TMEM114: variants seen among roughly 807,000 people sequenced by gnomAD.
TMEM114 encodes claudin-26.
TMEM114 carries 6 observed loss-of-function variants against 6.2 expected under a neutral mutation model. The observed-to-expected ratio is 0.97, with a 90% CI of 0.53 to 1.91. TMEM114 has a LOEUF of 1.91. TMEM114 is among the 40% of genes most tolerant of loss of function. The pLI is 0.01. For synonymous variants in TMEM114, 104 were observed against 73.0 expected (o/e 1.42, Z -2.16); for missense variants, 218 against 158.3 (o/e 1.38, Z -2.02).
rs1415442433 is a variant in TMEM114 at position 8,562,889 on chromosome 16, GGAATGAGT to G, written n.213-25071_213-25064del. Among the ~76,000 whole-genome samples, 71 of 143,816 alleles carry G rather than the reference GGAATGAGT, an allele frequency of 4.9e-4. 2 individuals carry two copies. The highest frequency in any genetic ancestry group is 9.8e-4 in the Non-Finnish European group (64 of 65,634). 94.3% of individuals were successfully genotyped at this position (143,816 alleles called of 152,430 possible). The stretch of plus-strand genomic sequence containing the variant: ...GTGAGTAAATGAGTGAGGGAGGGAG[GGAATGAGT>G]GAATGAGTGAGTGAATGAGTAAATG... On this transcript the variant is annotated intron_variant and non_coding_transcript_variant, in intron 2 of 2. Transcript: ENST00000623677.
intron 2 of TMEM114, among the ~76,000 whole-genome samples, chr16:8,550,076 CA>C (rs1330899276): frequency 6.6e-6 from 1 of 152,186 alleles, no homozygotes; most frequent in Non-Finnish European, 1.5e-5. Context: ...TCTGATGTTC[CA>C]GGGCAGGAAG....
intron 2 of TMEM114, among the ~76,000 whole-genome samples, chr16:8,538,294 TAA>T (rs368839895): frequency 7.2e-6 from 1 of 138,642 alleles, no homozygotes. Flanking sequence ...GTCTCAAAAA[TAA>T]AAAAAAAAAG....
chr16:8,559,129 T>TGA (rs1219042315), intron 2 of TMEM114, among the ~76,000 whole-genome samples: 1 of 151,746 alleles, frequency 6.6e-6, no homozygotes, highest in African/African-American at 2.4e-5. Flanking sequence ...TGCAACCTCT[T>TGA]CTTCCCAGGT....
At chr16:8,546,070 A>AC (rs1295800080) in intron 2 of TMEM114, among the ~76,000 whole-genome samples, 4 of 152,162 alleles carry the variant, frequency 2.6e-5, no homozygotes, top group Admixed American at 2.0e-4. Context: ...AGCTATGATC[A>AC]TGTCACTGCA....
intron 2 of TMEM114, among the ~76,000 whole-genome samples, chr16:8,558,351 C>A (rs1302083901): frequency 6.6e-6 from 1 of 152,208 alleles, no homozygotes; most frequent in Non-Finnish European, 1.5e-5. Flanking sequence ...ATTCCAGCTC[C>A]TGGTGGCTCC....
downstream of TMEM114, among the ~76,000 whole-genome samples, chr16:8,536,325 T>G (rs1900358653): frequency 6.6e-6 from 1 of 152,156 alleles, no homozygotes; most frequent in South Asian, 2.1e-4. Context: ...GGTACTTGCA[T>G]GTTTTGAAAG....
chr16:8,546,460 C>T (rs564260074), intron 2 of TMEM114, among the ~76,000 whole-genome samples: 3 of 152,156 alleles, frequency 2.0e-5, no homozygotes, highest in East Asian at 1.9e-4. Context: ...AAATCTGCAG[C>T]GACCAGCCCG....
the TMEM114 span, among the ~76,000 whole-genome samples, chr16:8,527,941 T>G: frequency 6.6e-6 from 1 of 152,218 alleles, no homozygotes; most frequent in African/African-American, 2.4e-5. Context: ...AAAGTCTCCC[T>G]GTGCTGCCCA....
chr16:8,553,469 T>G (rs371872889), intron 2 of TMEM114, among the ~76,000 whole-genome samples: 8 of 150,334 alleles, frequency 5.3e-5, no homozygotes, highest in Admixed American at 2.7e-4. Context: ...CTATCTAGGC[T>G]CACTGCAGTC....
downstream of TMEM114, among the ~76,000 whole-genome samples, chr16:8,568,327 G>A (rs534845517): frequency 6.6e-6 from 1 of 152,296 alleles, no homozygotes; most frequent in Non-Finnish European, 1.5e-5. Context: ...TTTGTTGAAT[G>A]ACTGACTGAC....
chr16:8,569,907 G>C lies in TMEM114; in HGVS notation c.538C>G (p.Gln180Glu), dbSNP rs908538099. Residue 180 changes from glutamine to glutamate, a missense_variant, in exon 4 of 4, where the codon CAG becomes GAG. Physicochemically the swap from Gln to Glu is conservative, Grantham distance 29 (BLOSUM62 2). Transcript: ENST00000620492. The stretch of plus-strand genomic sequence containing the variant: ...GACCAGCCGAAGCTGATGTCCACCT[G>C]GTCCAGGAGGGCCTTCTCCTCCAAG... Reference protein sequence around the residue: ...CLLEEKALLDQVDISFGWSLA... With the variant: ...CLLEEKALLDEVDISFGWSLA... 1.3e-6 allele frequency: 2 copies of C among 1,551,198 alleles called. No homozygotes were observed. The highest frequency in any genetic ancestry group is 2.7e-5 in the African/African-American group (2 of 73,152).
At chr16:8,587,458 T>A (rs1330693851) in intron 2 of TMEM114, among the ~76,000 whole-genome samples, 4 of 152,168 alleles carry the variant, frequency 2.6e-5, no homozygotes, top group Non-Finnish European at 5.9e-5. Context: ...AATTTGCACT[T>A]AGCAGTTAGC....
chr16:8,566,398 G>T (rs1305245024), downstream of TMEM114, among the ~76,000 whole-genome samples: 4 of 146,298 alleles, frequency 2.7e-5, no homozygotes, highest in Admixed American at 1.4e-4. Context: ...AATCAGAATA[G>T]AACAGAACAG....
At chr16:8,575,723 G>C (rs946143025) in intron 2 of TMEM114, among the ~76,000 whole-genome samples, 1 of 152,180 alleles carries the variant, frequency 6.6e-6, no homozygotes, top group Non-Finnish European at 1.5e-5. Flanking sequence ...CTGAGGAAGA[G>C]GTAAAATGGA....
chr16:8,548,524 G>T lies in TMEM114; in HGVS notation n.213-10698C>A, dbSNP rs548337268. On this transcript the variant is annotated intron_variant and non_coding_transcript_variant, in intron 2 of 2. Transcript: ENST00000623677. Reference sequence around the variant, plus strand: ...ACACACCCTTGAAATAATAGAACAGGTGCACTGTGTATCTGTTTCTGTACT... The same window carrying T: ...ACACACCCTTGAAATAATAGAACAGTTGCACTGTGTATCTGTTTCTGTACT... 3.7e-4 allele frequency among the ~76,000 whole-genome samples: 56 copies of T among 152,080 alleles called. 1 individual carries two copies. The highest frequency in any genetic ancestry group is 3.3e-3 in the Admixed American group (51 of 15,264).
At chr16:8,565,874 G>C (rs1244154015), downstream of TMEM114, among the ~76,000 whole-genome samples, 7 of 152,144 alleles carry the variant, frequency 4.6e-5, no homozygotes, top group African/African-American at 1.7e-4. Flanking sequence ...TTTTAAATAG[G>C]ACCCCCACGT....
At chr16:8,557,895 A>G (rs568444989) in intron 2 of TMEM114, among the ~76,000 whole-genome samples, 1 of 152,270 alleles carries the variant, frequency 6.6e-6, no homozygotes, top group Non-Finnish European at 1.5e-5. Flanking sequence ...CTGACAAACC[A>G]CCACAAATTA....
chr16:8,563,683 A>AGTT (rs1567203149), intron 2 of TMEM114, among the ~76,000 whole-genome samples: 4 of 127,512 alleles, frequency 3.1e-5, no homozygotes, highest in Non-Finnish European at 5.3e-5. Flanking sequence ...GTGAATGAGT[A>AGTT]AGTGAATGAG....
At chr16:8,549,426 G>T (rs548148559) in intron 2 of TMEM114, among the ~76,000 whole-genome samples, 2 of 151,224 alleles carry the variant, frequency 1.3e-5, no homozygotes, top group African/African-American at 4.9e-5. Flanking sequence ...CTTGAACCCA[G>T]GGGGCAGAGG....
Sources: gnomAD v4.1 joint callset for allele counts (sites outside exome capture counted in the v4.1 genomes callset) on GRCh38, gnomAD v4.1.1 for gene constraint, MANE v1.5 for transcripts, NCBI Gene and HGNC (gene_info 2026-07-23, HGNC 2026-07-21) for gene names.